BICC1: variants seen among roughly 807,000 people sequenced by gnomAD.
BICC1 encodes the protein BicC family RNA binding protein 1.
Under a neutral mutation model 111.0 loss-of-function variants are expected in BICC1, and 43 were observed. That is an observed-to-expected ratio of 0.39 (90% CI 0.30 to 0.50). The LOEUF (loss-of-function observed/expected upper bound fraction) is 0.50, where lower values mean the gene tolerates loss of function less well. BICC1 is among the 20% of genes least tolerant of loss of function. BICC1 has a pLI of 0.88. For missense variants in BICC1, 1,091 were observed against 1,203.2 expected, an observed-to-expected ratio of 0.91 and a Z score of 1.38; for synonymous variants, 467 against 434.4, an observed-to-expected ratio of 1.07 and a Z score of -0.93.
rs187638961 is a variant in BICC1, at chr10:58,702,318, A to C, written c.307+175A>C. Among the ~76,000 whole-genome samples, 22 of 152,344 alleles carry C rather than the reference A, an allele frequency of 1.4e-4. No homozygotes were observed. The East Asian group carries it at 4.2e-3, about 29-fold the overall frequency. On this transcript the variant is annotated intron_variant, in intron 3 of 20. Coordinates refer to ENST00000373886, the MANE Select transcript of BICC1 (RefSeq NM_001080512.3). Reference sequence around the variant, plus strand: ...AATTAAAAATTATAGTTTTTATCCAACAACAGAAAAATATTAACTATTAAC... The same window carrying C: ...AATTAAAAATTATAGTTTTTATCCACCAACAGAAAAATATTAACTATTAAC...
At chr10:58,662,192 C>T (rs1441594704) in intron 2 of BICC1, among the ~76,000 whole-genome samples, 3 of 152,040 alleles carry the variant, frequency 2.0e-5, no homozygotes, top group Non-Finnish European at 4.4e-5. Flanking sequence ...GGCCAAAATA[C>T]AAATGACACA....
At chr10:58,541,744 C>A (rs1469016843) in intron 1 of BICC1, among the ~76,000 whole-genome samples, 2 of 151,808 alleles carry the variant, frequency 1.3e-5, no homozygotes, top group Admixed American at 6.6e-5. Flanking sequence ...CCCAGAAAAG[C>A]CAAAAAAGTC....
At chr10:58,665,821 C>T (rs373230853) in intron 2 of BICC1, among the ~76,000 whole-genome samples, 53 of 152,260 alleles carry the variant, frequency 3.5e-4, no homozygotes, top group African/African-American at 1.0e-3. Flanking sequence ...CTAATTTACC[C>T]GTCTATTTCT....
At chr10:58,784,552 C>T (rs528953389) in intron 3 of BICC1, among the ~76,000 whole-genome samples, 7 of 152,186 alleles carry the variant, frequency 4.6e-5, no homozygotes, top group South Asian at 2.1e-4. Flanking sequence ...GGAGAAGTTA[C>T]GAAACCACTC....
rs73304847 is a variant in BICC1, at chr10:58,746,215, A to C, written c.308-38786A>C. ...GACATCTTTTTCCTACTGAAACTTTATTTTGCTTACATCTATAAAGTATGG... is the reference window on the plus strand; with the variant it reads ...GACATCTTTTTCCTACTGAAACTTTCTTTTGCTTACATCTATAAAGTATGG... On this transcript the variant is annotated intron_variant, in intron 3 of 20. Transcript: ENST00000373886. Among the ~76,000 whole-genome samples, 1,413 of 152,234 alleles carry C rather than the reference A, an allele frequency of 9.3e-3. 27 individuals carry two copies. Among genetic ancestry groups the C allele is most frequent in the African/African-American group, 0.033 (1,354 of 41,556 alleles).
At position 58,823,624 on chromosome 10, in the gene BICC1, G is replaced by A. The variant is rs902938541; in HGVS notation, c.2794+3156G>A. ...CTTCATGGCCCAGTTGTTGTCATGTGCTCAGTTATACATGTTATATATGCT... is the reference window on the plus strand; with the variant it reads ...CTTCATGGCCCAGTTGTTGTCATGTACTCAGTTATACATGTTATATATGCT... On this transcript the variant is annotated intron_variant, in intron 20 of 20. Transcript: ENST00000373886. 1.4e-5 allele frequency: 14 copies of A among 985,086 alleles called. No individual in the cohort carries two copies. The African/African-American group carries it at 2.4e-4, about 17-fold the overall frequency. The allele number at this position is 985,086 out of a possible 1,614,324, so 61.0% of individuals were successfully genotyped here. A position where few individuals can be genotyped will look rare whatever the true frequency, so the allele number is the denominator to read the frequency against.
intron 3 of BICC1, among the ~76,000 whole-genome samples, chr10:58,783,913 G>C (rs761260426): frequency 6.6e-6 from 1 of 152,034 alleles, no homozygotes; most frequent in Non-Finnish European, 1.5e-5. Flanking sequence ...TGGATTGCTG[G>C]GCAACTTGAA....
At chr10:58,571,977 C>T (rs1186451223) in intron 1 of BICC1, among the ~76,000 whole-genome samples, 4 of 152,082 alleles carry the variant, frequency 2.6e-5, no homozygotes, top group Non-Finnish European at 5.9e-5. Flanking sequence ...TCCTTTTTCT[C>T]CACAATCTCG....
At chr10:58,622,954 T>C (rs1411681970) in intron 2 of BICC1, among the ~76,000 whole-genome samples, 1 of 152,198 alleles carries the variant, frequency 6.6e-6, no homozygotes, top group East Asian at 1.9e-4. Context: ...GTGATTGGAA[T>C]GTTTCTTAGT....
intron 2 of BICC1, among the ~76,000 whole-genome samples, chr10:58,644,232 C>G (rs1306887207): frequency 6.6e-6 from 1 of 152,172 alleles, no homozygotes; most frequent in African/African-American, 2.4e-5. Flanking sequence ...AGGGCACTTG[C>G]TACAGAAGAG....
At position 58,820,493 on chromosome 10, in the gene BICC1, T is replaced by C. The variant is rs765144133; in HGVS notation, c.2794+25T>C. The C allele has an allele frequency of 9.3e-6, 14 of 1,509,840 alleles. No individual in the cohort carries two copies. The South Asian group carries it at 1.1e-4, about 12-fold the overall frequency. The allele number at this position is 1,509,840 out of a possible 1,614,324, so 93.5% of individuals were successfully genotyped here. On this transcript the variant is annotated intron_variant, in intron 20 of 20. Transcript: ENST00000373886. ...GGTGAATATAAATATTCAACTCATATGTTAAAATCTGAATAACCTCTGCCA... is the reference window on the plus strand; with the variant it reads ...GGTGAATATAAATATTCAACTCATACGTTAAAATCTGAATAACCTCTGCCA...
chr10:58,736,253 A>G (rs565766711), intron 3 of BICC1, among the ~76,000 whole-genome samples: 5 of 152,334 alleles, frequency 3.3e-5, no homozygotes, highest in African/African-American at 1.2e-4. Flanking sequence ...TACACTAGCC[A>G]CTGGAGATGC....
intron 2 of BICC1, among the ~76,000 whole-genome samples, chr10:58,688,198 C>T (rs1160573123): frequency 6.6e-6 from 1 of 151,974 alleles, no homozygotes; most frequent in Non-Finnish European, 1.5e-5. Context: ...GGAAGGGGAC[C>T]CAAGTGGGTT....
chr10:58,596,440 C>T (rs1041621781), intron 1 of BICC1, among the ~76,000 whole-genome samples: 2 of 152,104 alleles, frequency 1.3e-5, no homozygotes, highest in Non-Finnish European at 2.9e-5. Context: ...TTATGACAAA[C>T]CCACAGCCAA....
At chr10:58,715,853 A>G in intron 3 of BICC1, 1 of 1,224,146 alleles carries the variant, frequency 8.2e-7, no homozygotes, top group Non-Finnish European at 1.2e-6. Flanking sequence ...GAAAAGAAGA[A>G]ATCTGATAGG....
Position 58,553,988 on chromosome 10 carries a change from TG to T in BICC1, c.190+40656del, listed in dbSNP as rs1843371815. Among the ~76,000 whole-genome samples, 3 of 152,320 alleles carry T rather than the reference TG, an allele frequency of 2.0e-5. No individual in the cohort carries two copies. The South Asian group carries it at 6.2e-4, about 32-fold the overall frequency. The stretch of plus-strand genomic sequence containing the variant: ...AGAACTAAAAACATTGAATAACTTA[TG>T]TTTCAATTTATACTATTTGGATTCT... On this transcript the variant is annotated intron_variant, in intron 1 of 20. Transcript: ENST00000373886.
chr10:58,779,369 C>T (rs1359481154), intron 3 of BICC1, among the ~76,000 whole-genome samples: 1 of 152,194 alleles, frequency 6.6e-6, no homozygotes, highest in African/African-American at 2.4e-5. Context: ...TGCCTTTCAT[C>T]CACTTTGATA....
intron 1 of BICC1, among the ~76,000 whole-genome samples, chr10:58,516,963 T>C (rs947585460): frequency 6.6e-6 from 1 of 152,188 alleles, no homozygotes; most frequent in Non-Finnish European, 1.5e-5. Flanking sequence ...GCCAGAGTAC[T>C]GAGGCAATCA....
chr10:58,821,994 C>A (rs1046936929), intron 20 of BICC1, among the ~76,000 whole-genome samples: 1 of 152,098 alleles, frequency 6.6e-6, no homozygotes, highest in African/African-American at 2.4e-5. Flanking sequence ...TTTTTACCAT[C>A]TATGATAATA....
Sources: gnomAD v4.1 joint callset for allele counts (sites outside exome capture counted in the v4.1 genomes callset) on GRCh38, gnomAD v4.1.1 for gene constraint, MANE v1.5 for transcripts, NCBI Gene and HGNC (gene_info 2026-07-23, HGNC 2026-07-21) for gene names.